ZNF804B: variants seen among roughly 807,000 people sequenced by gnomAD.
ZNF804B encodes zinc finger 804B.
ZNF804B carries 80 observed loss-of-function variants against 101.4 expected under a neutral mutation model. The observed-to-expected ratio is 0.79, with a 90% CI of 0.66 to 0.95. The LOEUF (loss-of-function observed/expected upper bound fraction) is 0.95. Ranked by LOEUF, ZNF804B falls within the 40% of genes least tolerant of loss-of-function variation. The probability of loss-of-function intolerance (pLI) is 0.00; values close to 1 mark genes in which losing one functional copy is unlikely to be tolerated. For missense variants in ZNF804B, 1,673 were observed against 1,561.9 expected (o/e 1.07, Z -1.20); for synonymous variants, 622 against 558.8 (o/e 1.11, Z -1.59).
intron 1 of ZNF804B, among the ~76,000 whole-genome samples, chr7:88,825,391 G>A (rs1453512540): frequency 1.3e-5 from 2 of 151,870 alleles, no homozygotes; most frequent in Non-Finnish European, 1.5e-5. Context: ...TAGGTCACTA[G>A]TCTCTGAGCA....
intron 1 of ZNF804B, among the ~76,000 whole-genome samples, chr7:88,964,847 C>A (rs1793432615): frequency 6.6e-6 from 1 of 151,322 alleles, no homozygotes; most frequent in African/African-American, 2.4e-5. Flanking sequence ...GAGCAGAGCT[C>A]CACAGCTGCA....
rs1327703841 is a variant in ZNF804B at position 88,792,694 on chromosome 7, G to T, written c.108+32610G>T. 2.0e-5 allele frequency among the ~76,000 whole-genome samples: 3 copies of T among 151,904 alleles called. No individual in the cohort carries two copies. The East Asian group carries it at 5.8e-4, about 29-fold the overall frequency. ...AGCATAATGCTGTTTAATATTAGGT[G>T]TTTTTTTCTAAATTGATATAAATTT... On this transcript the variant is annotated intron_variant, in intron 1 of 3. Coordinates refer to ENST00000333190, the MANE Select transcript of ZNF804B (RefSeq NM_181646.5).
chr7:88,774,714 A>T (rs1160041649), intron 1 of ZNF804B, among the ~76,000 whole-genome samples: 1 of 152,216 alleles, frequency 6.6e-6, no homozygotes, highest in Non-Finnish European at 1.5e-5. Context: ...AAACCACTGA[A>T]GAGAATAATG....
intron 2 of ZNF804B, among the ~76,000 whole-genome samples, chr7:89,279,248 T>C (rs1392166461): frequency 3.3e-5 from 5 of 151,860 alleles, no homozygotes; most frequent in South Asian, 2.1e-4. Context: ...AAGGAGATTT[T>C]GGGCTGAGAC....
At chr7:89,244,008 A>G (rs1030775147) in intron 2 of ZNF804B, among the ~76,000 whole-genome samples, 1 of 152,022 alleles carries the variant, frequency 6.6e-6, no homozygotes, top group Non-Finnish European at 1.5e-5. Context: ...GAGAGGAAAA[A>G]GGATTACAGC....
intron 2 of ZNF804B, among the ~76,000 whole-genome samples, chr7:89,323,651 C>A (rs1398611525): frequency 6.6e-6 from 1 of 152,088 alleles, no homozygotes; most frequent in African/African-American, 2.4e-5. Flanking sequence ...TTGTTCTAAT[C>A]TTACCTATGT....
chr7:88,770,622 G>C (rs777448012), intron 1 of ZNF804B, among the ~76,000 whole-genome samples: 2 of 152,086 alleles, frequency 1.3e-5, no homozygotes, highest in Non-Finnish European at 2.9e-5. Context: ...CAATGGTGTG[G>C]GAGCTCTCTG....
At chr7:89,149,014 G>A (rs932928159) in intron 1 of ZNF804B, among the ~76,000 whole-genome samples, 1 of 152,038 alleles carries the variant, frequency 6.6e-6, no homozygotes, top group African/African-American at 2.4e-5. Flanking sequence ...GCAGACTTAG[G>A]CTGATTTTTT....
At chr7:89,005,215 G>A (rs1788354832) in intron 1 of ZNF804B, among the ~76,000 whole-genome samples, 1 of 151,930 alleles carries the variant, frequency 6.6e-6, no homozygotes, top group Admixed American at 6.6e-5. Flanking sequence ...TATTTATTCT[G>A]TAAGGAGCAT....
At chr7:88,973,755 G>A (rs9649117) in intron 1 of ZNF804B, among the ~76,000 whole-genome samples, 1 of 151,240 alleles carries the variant, frequency 6.6e-6, no homozygotes, top group Non-Finnish European at 1.5e-5. Context: ...ATAGTCAGTG[G>A]TTTCTTTTTG....
intron 1 of ZNF804B, among the ~76,000 whole-genome samples, chr7:88,906,588 G>A (rs1442497980): frequency 2.0e-5 from 3 of 152,040 alleles, no homozygotes; most frequent in Non-Finnish European, 4.4e-5. Flanking sequence ...TTGTATTATG[G>A]TCTGAGGGTA....
intron 1 of ZNF804B, among the ~76,000 whole-genome samples, chr7:88,788,123 G>A (rs1021844959): frequency 4.6e-5 from 7 of 152,136 alleles, no homozygotes; most frequent in Non-Finnish European, 7.4e-5. Context: ...TTCATCTAGT[G>A]CATGTGGAGG....
At chr7:89,054,405 C>T (rs972159036) in intron 1 of ZNF804B, among the ~76,000 whole-genome samples, 1 of 150,854 alleles carries the variant, frequency 6.6e-6, no homozygotes, top group African/African-American at 2.4e-5. Context: ...ACATCAGAGT[C>T]GTGCCTGGGA....
intron 2 of ZNF804B, among the ~76,000 whole-genome samples, chr7:89,249,304 T>A (rs946771877): frequency 1.3e-5 from 2 of 152,148 alleles, no homozygotes; most frequent in African/African-American, 4.8e-5. Flanking sequence ...TACAGAACAC[T>A]CTACACATCA....
chr7:88,947,664 T>C (rs968302631), intron 1 of ZNF804B, among the ~76,000 whole-genome samples: 1 of 151,704 alleles, frequency 6.6e-6, no homozygotes, highest in Non-Finnish European at 1.5e-5. Flanking sequence ...GAACTTAAAG[T>C]ATATATAAAA....
At chr7:88,842,778 A>T (rs1434833971) in intron 1 of ZNF804B, among the ~76,000 whole-genome samples, 1 of 152,226 alleles carries the variant, frequency 6.6e-6, no homozygotes, top group Non-Finnish European at 1.5e-5. Context: ...CACAAATGGT[A>T]TAACCTGACC....
chr7:89,303,982 T>C (rs984662438), intron 2 of ZNF804B, among the ~76,000 whole-genome samples: 1 of 151,982 alleles, frequency 6.6e-6, no homozygotes, highest in African/African-American at 2.4e-5. Flanking sequence ...TAATTTGCCC[T>C]CAGCTTAAGT....
At chr7:89,096,087 G>A (rs902781312) in intron 1 of ZNF804B, among the ~76,000 whole-genome samples, 13 of 151,780 alleles carry the variant, frequency 8.6e-5, no homozygotes, top group Non-Finnish European at 1.3e-4. Context: ...CCCAGGAGGC[G>A]GAGCTTGCAG....
intron 2 of ZNF804B, among the ~76,000 whole-genome samples, chr7:89,286,980 C>T (rs1790208963): frequency 6.6e-6 from 1 of 152,088 alleles, no homozygotes; most frequent in South Asian, 2.1e-4. Flanking sequence ...ATGCCGACCC[C>T]TCCTTTTCCT....
Sources: allele counts gnomAD v4.1 joint callset (sites outside exome capture counted in the v4.1 genomes callset), GRCh38; gene constraint gnomAD v4.1.1; transcripts MANE v1.5; gene names NCBI Gene and HGNC (gene_info 2026-07-23, HGNC 2026-07-21).